The following ST7L variants were observed in gnomAD, a reference collection of about 807,000 sequenced individuals.
ST7L encodes the protein suppression of tumorigenicity 7 like, also known as suppressor of tumorigenicity 7 protein-like.
A neutral mutation model predicts 72.5 loss-of-function variants in ST7L; 57 were observed. That is an observed-to-expected ratio of 0.79 (90% CI 0.64 to 0.98). ST7L has a LOEUF of 0.98. ST7L is among the 50% of genes least tolerant of loss of function. The pLI, the probability that ST7L is intolerant of heterozygous loss-of-function variation, is 0.00. For missense variants in ST7L, 576 were observed against 672.2 expected, an observed-to-expected ratio of 0.86 and a Z score of 1.58; for synonymous variants, 221 against 240.9, an observed-to-expected ratio of 0.92 and a Z score of 0.77.
At chr1:112,570,882 A>G (rs1661990483) in intron 11 of ST7L, 1 of 417,302 alleles carries the variant, frequency 2.4e-6, no homozygotes, top group Non-Finnish European at 4.8e-6. Context: ...TTGGCTCACA[A>G]ATCTTCTCCA....
downstream of ST7L, chr1:112,522,011 G>T (rs1295596227): frequency 2.6e-5 from 4 of 152,064 alleles, no homozygotes; most frequent in African/African-American, 4.8e-5. Flanking sequence ...ATGAGGATAC[G>T]TACCTGTTCT....
At chr1:112,582,179 A>T in intron 8 of ST7L, 73 bp from the exon 9 acceptor site, 1 of 1,189,372 alleles carries the variant, frequency 8.4e-7, no homozygotes. Flanking sequence ...AGATTCATTA[A>T]GTAGAAATTC....
intron 12 of ST7L, among the ~76,000 whole-genome samples, chr1:112,551,843 G>C (rs1658251540): frequency 6.6e-6 from 1 of 152,094 alleles, no homozygotes; most frequent in Non-Finnish European, 1.5e-5. Flanking sequence ...TTTACCATAG[G>C]CTAACTGATA....
chr1:112,618,986 G>A lies in ST7L; in HGVS notation c.128C>T (p.Ser43Leu), dbSNP rs1570687414. 3.1e-6 allele frequency: 5 copies of A among 1,611,104 alleles called. No homozygotes were observed. Among genetic ancestry groups the A allele is most frequent in the Non-Finnish European group, 4.2e-6 (5 of 1,178,754 alleles). The change falls in exon 1 of 15, where the codon TCG (serine) becomes TTG (leucine). Residue 43 changes from serine (S) to leucine (L), a missense_variant. By Grantham distance (145) the Ser-to-Leu change is moderately radical (BLOSUM62 -2). Transcript: ENST00000358039. The stretch of plus-strand genomic sequence containing the variant: ...CCCCAGCCCCGCCACGAACCACAAC[G>A]AGGCCCCAGTCCCCGCCAGCCCGGC... ...LRAGLAGTGA[S>L]LWFVAGLGLL...
At chr1:112,526,851 A>T (rs1653512825) in intron 14 of ST7L, 1 of 152,208 alleles carries the variant, frequency 6.6e-6, no homozygotes, top group South Asian at 2.1e-4. Context: ...TAAGTGTCCT[A>T]AGAAACTCCC....
Position 112,559,338 on chromosome 1 carries a change from A to C in ST7L, c.1246-3320T>G, listed in dbSNP as rs778348284. Among the ~76,000 whole-genome samples the C allele has an allele frequency of 5.9e-5, 9 of 151,992 alleles. 1 individual carries two copies. The highest frequency in any genetic ancestry group is 4.4e-5 in the Non-Finnish European group (3 of 67,996). ...AACCTCTGCCTCCCAGGTTCCAATG[A>C]TTCTCCTGCCTCAGCCTCCCGAGTA... is the stretch of plus-strand genomic sequence containing the variant. On this transcript the variant is annotated intron_variant, in intron 11 of 14. Transcript: ENST00000358039.
chr1:112,529,482 A>G (rs1173778003), intron 14 of ST7L: 1 of 152,178 alleles, frequency 6.6e-6, no homozygotes, highest in African/African-American at 2.4e-5. Flanking sequence ...AATCTGACAT[A>G]AGCTGATTGC....
At chr1:112,574,990 G>A (rs964815233) in intron 11 of ST7L, among the ~76,000 whole-genome samples, 2 of 152,178 alleles carry the variant, frequency 1.3e-5, no homozygotes, top group Non-Finnish European at 2.9e-5. Context: ...TGTAATCCCA[G>A]CACTTTGGGA....
intron 6 of ST7L, among the ~76,000 whole-genome samples, chr1:112,586,520 A>G (rs575212405): frequency 6.6e-6 from 1 of 152,326 alleles, no homozygotes; most frequent in Non-Finnish European, 1.5e-5. Context: ...TAAAATAACC[A>G]TAATAAAAAC....
At chr1:112,591,122 G>A (rs572566718) in intron 6 of ST7L, among the ~76,000 whole-genome samples, 38 of 151,888 alleles carry the variant, frequency 2.5e-4, no homozygotes, top group Middle Eastern at 3.4e-3. Flanking sequence ...TAGTAGAGAC[G>A]GGGTTTCACC....
chr1:112,595,168 C>G (rs946028178), intron 5 of ST7L, among the ~76,000 whole-genome samples: 1 of 151,744 alleles, frequency 6.6e-6, no homozygotes, highest in East Asian at 1.9e-4. Flanking sequence ...GGGTTCGAGA[C>G]CATCCTGACC....
At chr1:112,568,020 G>A (rs7512355) in intron 11 of ST7L, among the ~76,000 whole-genome samples, 1,876 of 152,186 alleles carry the variant, frequency 0.012, 37 homozygotes, top group African/African-American at 0.044. Flanking sequence ...CTGACATTCA[G>A]GGATCTAACG....
downstream of ST7L, chr1:112,520,373 C>T (rs991259150): frequency 1.2e-6 from 2 of 1,614,148 alleles, no homozygotes; most frequent in Non-Finnish European, 1.7e-6. Flanking sequence ...TACGACACAA[C>T]TCGAGTCACC....
chr1:112,614,894 A>T (rs1669627147), intron 2 of ST7L, among the ~76,000 whole-genome samples: 1 of 152,244 alleles, frequency 6.6e-6, no homozygotes, highest in South Asian at 2.1e-4. Context: ...GTACACTAGT[A>T]AACATGACAT....
chr1:112,591,711 A>C, intron 5 of ST7L, 108 bp from the exon 6 acceptor site: 3 of 649,510 alleles, frequency 4.6e-6, no homozygotes, highest in Non-Finnish European at 2.4e-6. Context: ...TATATTCTTA[A>C]ACATACAAAA....
chr1:112,618,026 G>C, intron 1 of ST7L: 1 of 1,303,846 alleles, frequency 7.7e-7, no homozygotes, highest in Non-Finnish European at 1.0e-6. Context: ...TGTCATCTCT[G>C]AACAGGAAAG....
chr1:112,548,079 G>C (rs1198388809), intron 13 of ST7L, among the ~76,000 whole-genome samples: 1 of 152,112 alleles, frequency 6.6e-6, no homozygotes, highest in Non-Finnish European at 1.5e-5. Context: ...CAATGGCCAG[G>C]TGTAGTGGCT....
Position 112,578,544 on chromosome 1 carries a change from G to C in ST7L, c.1070-127C>G, listed in dbSNP as rs1470608709. Reference sequence around the variant, plus strand: ...TAATCCCAGCACTTAGGGAGGCTGAGGCGGGTGGATCATGAGGTCAGGAGT... The same window carrying C: ...TAATCCCAGCACTTAGGGAGGCTGACGCGGGTGGATCATGAGGTCAGGAGT... On this transcript the variant is annotated intron_variant, in intron 9 of 14. Transcript: ENST00000358039. 3 of 787,258 alleles carry C rather than the reference G, an allele frequency of 3.8e-6. No individual in the cohort carries two copies. The East Asian group carries it at 8.0e-5, about 21-fold the overall frequency. 48.8% of individuals were successfully genotyped at this position (787,258 alleles called of 1,614,324 possible).
At chr1:112,546,230 G>A (rs1344304966) in intron 13 of ST7L, among the ~76,000 whole-genome samples, 1 of 150,184 alleles carries the variant, frequency 6.7e-6, no homozygotes, top group African/African-American at 2.5e-5. Flanking sequence ...GAGTGGGGAG[G>A]ATATTTTGAG....
Sources: allele counts gnomAD v4.1 joint callset (sites outside exome capture counted in the v4.1 genomes callset), GRCh38; gene constraint gnomAD v4.1.1; transcripts MANE v1.5; gene names NCBI Gene and HGNC (gene_info 2026-07-23, HGNC 2026-07-21).